SMURF1: variants seen among roughly 807,000 people sequenced by gnomAD.
SMURF1 encodes the protein SMAD specific E3 ubiquitin protein ligase 1.
SMURF1 carries 44 observed loss-of-function variants against 98.0 expected under a neutral mutation model. The ratio of observed to expected loss-of-function variants is 0.45; its 90% CI spans 0.35 to 0.58. The LOEUF (loss-of-function observed/expected upper bound fraction) is 0.58, where lower values mean the gene tolerates loss of function less well. Ranked by LOEUF, SMURF1 falls within the 20% of genes least tolerant of loss-of-function variation. The pLI is 0.00. For missense variants in SMURF1, 687 were observed against 938.4 expected, an observed-to-expected ratio of 0.73 and a Z score of 3.50; for synonymous variants, 396 against 374.9, an observed-to-expected ratio of 1.06 and a Z score of -0.65.
At chr7:99,040,793 G>A (rs1278163072) in intron 12 of SMURF1, among the ~76,000 whole-genome samples, 1 of 152,168 alleles carries the variant, frequency 6.6e-6, no homozygotes, top group Admixed American at 6.5e-5. Context: ...CTCCTCAGAA[G>A]GGCCATATAA....
intron 1 of SMURF1, among the ~76,000 whole-genome samples, chr7:99,125,612 C>T (rs1176783085): frequency 1.3e-5 from 2 of 152,208 alleles, no homozygotes; most frequent in African/African-American, 2.4e-5. Context: ...CAGCAGTCAT[C>T]ATCACAGCTC....
Position 99,089,815 on chromosome 7 carries a change from T to G in SMURF1, c.56-27978A>C, listed in dbSNP as rs145860443. ...TAGTCAGAAGCCTACATTTTCAATC[T>G]GTTACTTATCTTGGATTAACTTTTC... On this transcript the variant is annotated intron_variant, in intron 1 of 17. Coordinates refer to ENST00000361368, the MANE Select transcript of SMURF1 (RefSeq NM_181349.3). 3.9e-5 allele frequency among the ~76,000 whole-genome samples: 6 copies of G among 152,368 alleles called. No individual in the cohort carries two copies. The East Asian group carries it at 1.2e-3, about 29-fold the overall frequency.
At chr7:99,036,051 A>G (rs1795125860) in intron 15 of SMURF1, 1 of 356,310 alleles carries the variant, frequency 2.8e-6, no homozygotes, top group Admixed American at 4.1e-5. Flanking sequence ...CTAACCATGA[A>G]TAACGGCACG....
chr7:99,115,311 G>A (rs943715296), intron 1 of SMURF1, among the ~76,000 whole-genome samples: 79 of 152,194 alleles, frequency 5.2e-4, no homozygotes, highest in African/African-American at 1.8e-3. Flanking sequence ...GTGGGGACAC[G>A]GGCCAGTGCA....
intron 1 of SMURF1, among the ~76,000 whole-genome samples, chr7:99,113,591 A>T (rs556311960): frequency 3.2e-4 from 48 of 152,258 alleles, no homozygotes; most frequent in African/African-American, 1.2e-3. Flanking sequence ...CTGTAATCCC[A>T]GCACTTTGGG....
chr7:99,133,514 G>T (rs117374679), intron 1 of SMURF1, among the ~76,000 whole-genome samples: 2,355 of 152,226 alleles, frequency 0.015, 30 homozygotes, highest in Non-Finnish European at 0.024. Context: ...AAGAAAACAC[G>T]CAGATTGGCA....
intron 1 of SMURF1, among the ~76,000 whole-genome samples, chr7:99,109,363 C>T (rs1190410252): frequency 6.6e-6 from 1 of 152,188 alleles, no homozygotes; most frequent in South Asian, 2.1e-4. Context: ...GGCTCCCAAA[C>T]GCTGACCAGA....
intron 7 of SMURF1, among the ~76,000 whole-genome samples, chr7:99,051,784 G>A (rs1207598531): frequency 6.6e-6 from 1 of 152,178 alleles, no homozygotes; most frequent in Non-Finnish European, 1.5e-5. Flanking sequence ...TCTTCCAGTT[G>A]TCTTTACACT....
intron 1 of SMURF1, among the ~76,000 whole-genome samples, chr7:99,064,718 T>C (rs1796145017): frequency 6.6e-6 from 1 of 152,244 alleles, no homozygotes; most frequent in Admixed American, 6.5e-5. Flanking sequence ...GTAATATTTC[T>C]TCTTCAGAGT....
rs539568106 is a variant in SMURF1, at chr7:99,028,525, G to C, written c.*2059C>G. ...GGCTGAAGCAACACCCGGCACGAGA[G>C]GCAGGGCAGCACCAACCAGCATGGG... On this transcript the variant is annotated 3_prime_UTR_variant, in exon 18 of 18. Coordinates refer to ENST00000361368, the MANE Select transcript of SMURF1 (RefSeq NM_181349.3). 3 of 152,492 alleles carry C rather than the reference G, an allele frequency of 2.0e-5. No homozygotes were observed. Among genetic ancestry groups the C allele is most frequent in the Non-Finnish European group, 4.4e-5 (3 of 68,156 alleles). 9.4% of individuals were successfully genotyped at this position (152,492 alleles called of 1,614,324 possible).
At chr7:99,112,394 C>T (rs976741325) in intron 1 of SMURF1, among the ~76,000 whole-genome samples, 1 of 152,150 alleles carries the variant, frequency 6.6e-6, no homozygotes, top group South Asian at 2.1e-4. Flanking sequence ...CAGCTGACCA[C>T]TAAGCTAGTG....
chr7:99,066,136 T>C (rs1285508522), intron 1 of SMURF1, among the ~76,000 whole-genome samples: 1 of 152,138 alleles, frequency 6.6e-6, no homozygotes, highest in East Asian at 1.9e-4. Flanking sequence ...TCTCCACCCT[T>C]GTCCAAGCTC....
intron 1 of SMURF1, among the ~76,000 whole-genome samples, chr7:99,065,142 G>A (rs1796157492): frequency 1.3e-5 from 2 of 151,156 alleles, no homozygotes; most frequent in African/African-American, 2.4e-5. Context: ...CGCCCAGGCT[G>A]GAGTGCAGTG....
chr7:99,061,802 A>T lies in SMURF1; in HGVS notation c.91T>A (p.Phe31Ile). Residue 31 changes from phenylalanine to isoleucine, a missense_variant, in exon 2 of 18, where the codon TTC (phenylalanine) becomes ATC (isoleucine). This residue lies in a region of SMURF1 where 415 missense variants were observed against 508.4 expected (regional missense o/e 0.82). Transcript: ENST00000361368. ...CAKNLAKKDF[F>I]RLPDPFAKIV... ...AAAAAAATAAGTGTTTACTTACTGA[A>T]GAAGTCTTTCTTTGCAAGGTTCTTG... The T allele has an allele frequency of 6.2e-7, 1 of 1,604,152 alleles. No homozygotes were observed. Among genetic ancestry groups the T allele is most frequent in the Non-Finnish European group, 8.5e-7 (1 of 1,175,528 alleles).
At chr7:99,042,704 C>T (rs1050510445) in intron 11 of SMURF1, among the ~76,000 whole-genome samples, 5 of 152,246 alleles carry the variant, frequency 3.3e-5, no homozygotes, top group African/African-American at 9.6e-5. Context: ...TGGCTACACT[C>T]AGGTTGCATT....
intron 1 of SMURF1, among the ~76,000 whole-genome samples, chr7:99,067,718 G>A (rs898590246): frequency 5.3e-5 from 8 of 152,136 alleles, no homozygotes; most frequent in African/African-American, 9.7e-5. Flanking sequence ...TTGGGAGGCC[G>A]AGGCGGGTGG....
Position 99,037,050 on chromosome 7 carries a change from G to C in SMURF1, c.1809+17C>G. Reference sequence around the variant, plus strand: ...CACAGGGACGCCCTGGGTCGACTCCGCACAGCAGGCACATACCTCCAGTTC... The same window carrying C: ...CACAGGGACGCCCTGGGTCGACTCCCCACAGCAGGCACATACCTCCAGTTC... On this transcript the variant is annotated intron_variant, in intron 15 of 17. Transcript: ENST00000361368. 6.2e-7 allele frequency: 1 copy of C among 1,613,248 alleles called. No homozygotes were observed. Among genetic ancestry groups the C allele is most frequent in the Non-Finnish European group, 8.5e-7 (1 of 1,179,928 alleles).
At chr7:99,133,050 T>A (rs1364152329) in intron 1 of SMURF1, among the ~76,000 whole-genome samples, 1 of 151,606 alleles carries the variant, frequency 6.6e-6, no homozygotes, top group Non-Finnish European at 1.5e-5. Context: ...GTCATCTTGA[T>A]TGCAATGGTG....
At position 99,122,464 on chromosome 7, in the gene SMURF1, T is replaced by C. The variant is rs548944393; in HGVS notation, c.55+21262A>G. Reference sequence around the variant, plus strand: ...TTCAAGACCAGCCTGGCCAACATGATGAAACCTCATCTCTACTAAAAAATA... The same window carrying C: ...TTCAAGACCAGCCTGGCCAACATGACGAAACCTCATCTCTACTAAAAAATA... On this transcript the variant is annotated intron_variant, in intron 1 of 17. Coordinates refer to ENST00000361368, the MANE Select transcript of SMURF1 (RefSeq NM_181349.3). Among the ~76,000 whole-genome samples, 26 of 151,742 alleles carry C rather than the reference T, an allele frequency of 1.7e-4. No homozygotes were observed. In the East Asian group the frequency reaches 5.0e-3, roughly 29 times the overall value.
Sources: allele counts gnomAD v4.1 joint callset (sites outside exome capture counted in the v4.1 genomes callset), GRCh38; gene constraint gnomAD v4.1.1; regional missense constraint gnomAD v4.1.1; transcripts MANE v1.5; gene names NCBI Gene and HGNC (gene_info 2026-07-23, HGNC 2026-07-21).